The following ST14 variants were observed in gnomAD, a reference collection of about 807,000 sequenced individuals.
ST14 encodes ST14 transmembrane serine protease matriptase.
Under a neutral mutation model 96.5 loss-of-function variants are expected in ST14, and 40 were observed. The ratio of observed to expected loss-of-function variants is 0.41; its 90% CI spans 0.32 to 0.54. ST14 has a LOEUF of 0.54. ST14 is among the 20% of genes least tolerant of loss of function. The pLI is 0.17. For synonymous variants in ST14, 506 were observed against 492.1 expected (o/e 1.03, Z -0.37); for missense variants, 1,066 against 1,188.9 (o/e 0.90, Z 1.52).
At chr11:130,200,429 C>T (rs1199785370) in intron 16 of ST14, among the ~76,000 whole-genome samples, 2 of 152,172 alleles carry the variant, frequency 1.3e-5, no homozygotes, top group Non-Finnish European at 2.9e-5. Flanking sequence ...GAAGGCACAT[C>T]ACATGGCGAG....
At chr11:130,194,853 T>TGC in intron 9 of ST14, 116 bp downstream of exon 9, 1 of 56,734 alleles carries the variant, frequency 1.8e-5, no homozygotes, top group Non-Finnish European at 3.0e-5. Context: ...TATGTGTGCA[T>TGC]GTGTGTGTGT....
chr11:130,173,184 C>G (rs770943318), intron 1 of ST14, among the ~76,000 whole-genome samples: 8 of 152,186 alleles, frequency 5.3e-5, no homozygotes, highest in Non-Finnish European at 1.2e-4. Flanking sequence ...TGAGGCCTAC[C>G]TACTGTCTCT....
Position 130,196,561 on chromosome 11 carries a change from C to CT in ST14, c.1224-9_1224-8insT, listed in dbSNP as rs771839036. On this transcript the variant is annotated splice_polypyrimidine_tract_variant and intron_variant, in intron 10 of 18. Coordinates refer to ENST00000278742, the MANE Select transcript of ST14 (RefSeq NM_021978.4). The stretch of plus-strand genomic sequence containing the variant: ...TCCCTCCTCACCTTGTGCCCCGCCC[C>CT]CCCTCCAGATACTGCGGAGAGAGGT... The CT allele has an allele frequency of 5.0e-6, 8 of 1,609,694 alleles. No individual in the cohort carries two copies. In the Admixed American group the frequency reaches 1.3e-4, roughly 27 times the overall value.
intron 17 of ST14, 62 bp from the exon 18 acceptor site, chr11:130,209,380 G>A: frequency 6.5e-7 from 1 of 1,548,926 alleles, no homozygotes; most frequent in Non-Finnish European, 8.7e-7. Flanking sequence ...CGTGGGGAGC[G>A]TCTCGAATGA....
intron 1 of ST14, among the ~76,000 whole-genome samples, chr11:130,178,807 C>T (rs1025114434): frequency 3.9e-5 from 6 of 152,116 alleles, no homozygotes; most frequent in Admixed American, 3.9e-4. Context: ...AGGGCGGCGA[C>T]GGGTCAAAGG....
chr11:130,196,359 G>A lies in ST14; in HGVS notation c.1134G>A (p.Val378=), dbSNP rs1180940544. 6.2e-7 allele frequency: 1 copy of A among 1,600,472 alleles called. No homozygotes were observed. Among genetic ancestry groups the A allele is most frequent in the Non-Finnish European group, 8.5e-7 (1 of 1,173,954 alleles). The change falls in exon 10 of 19, where the codon GTG becomes GTA. Residue 378 remains valine (V), a synonymous_variant. Coordinates refer to ENST00000278742, the MANE Select transcript of ST14 (RefSeq NM_021978.4). ...CTCAGGTGCCCAACAACCAGCATGT[G>A]AAGGTGCGCTTCAAATTCTTCTACC... The part of the protein sequence containing the change: ...WNIEVPNNQH[V]KVRFKFFYLL...
At chr11:130,173,199 G>T (rs1285028489) in intron 1 of ST14, among the ~76,000 whole-genome samples, 2 of 152,130 alleles carry the variant, frequency 1.3e-5, no homozygotes, top group African/African-American at 4.8e-5. Flanking sequence ...GTCTCTCTTT[G>T]ATTTTAATTT....
At chr11:130,206,459 A>G (rs1591897671) in intron 16 of ST14, among the ~76,000 whole-genome samples, 1 of 151,090 alleles carries the variant, frequency 6.6e-6, no homozygotes. Flanking sequence ...TGATTCTCAC[A>G]TTGTTGATTA....
In ST14 at chr11:130,196,562, C is replaced by G. The variant is rs773009567; in HGVS notation, c.1224-8C>G. 9 of 1,611,282 alleles carry G rather than the reference C, an allele frequency of 5.6e-6. No homozygotes were observed. In the Admixed American group the frequency reaches 6.7e-5, roughly 12 times the overall value. ...CCCTCCTCACCTTGTGCCCCGCCCC[C>G]CCTCCAGATACTGCGGAGAGAGGTC... On this transcript the variant is annotated splice_region_variant and splice_polypyrimidine_tract_variant and intron_variant, in intron 10 of 18. Coordinates refer to ENST00000278742, the MANE Select transcript of ST14 (RefSeq NM_021978.4).
rs1410214671 is a variant in ST14 at position 130,181,513 on chromosome 11, AAG to A, written c.82-6595_82-6594del. Among the ~76,000 whole-genome samples, 1 of 152,214 alleles carries A rather than the reference AAG, an allele frequency of 6.6e-6. No homozygotes were observed. Among genetic ancestry groups the A allele is most frequent in the East Asian group, 1.9e-4 (1 of 5,186 alleles). ...CCTGCAAAGATGTTTACTTTTAAGAAAGAGAGACAGGAGAAGTGAAAGCAGGC... is the reference window on the plus strand; with the variant it reads ...CCTGCAAAGATGTTTACTTTTAAGAAAGAGACAGGAGAAGTGAAAGCAGGC... On this transcript the variant is annotated intron_variant, in intron 1 of 18. Transcript: ENST00000278742. This position sits in a 1 kb window ranked among gnomAD's most constrained non-coding sequence, Gnocchi z 4.1.
Position 130,209,784 on chromosome 11 carries a change from T to C in ST14, c.2529T>C (p.Pro843=). The C allele has an allele frequency of 6.2e-7, 1 of 1,614,076 alleles. No homozygotes were observed. The highest frequency in any genetic ancestry group is 8.5e-7 in the Non-Finnish European group (1 of 1,180,016). ...RNKPGVYTRL[P]LFRDWIKENT... Reference sequence around the variant, plus strand: ...AGCCAGGCGTGTACACAAGGCTCCCTCTGTTTCGGGACTGGATCAAAGAGA... The same window carrying C: ...AGCCAGGCGTGTACACAAGGCTCCCCCTGTTTCGGGACTGGATCAAAGAGA... Residue 843 remains proline (P), a synonymous_variant, in exon 19 of 19, where the codon CCT becomes CCC. Coordinates refer to ENST00000278742, the MANE Select transcript of ST14 (RefSeq NM_021978.4).
In ST14 at chr11:130,209,973, C is replaced by A; in HGVS notation, c.*150C>A. The A allele has an allele frequency of 1.0e-6, 1 of 979,196 alleles. No individual in the cohort carries two copies. Among genetic ancestry groups the A allele is most frequent in the Non-Finnish European group, 1.5e-6 (1 of 675,934 alleles). The allele number at this position is 979,196 out of a possible 1,614,324, so 60.7% of individuals were successfully genotyped here. On this transcript the variant is annotated 3_prime_UTR_variant, in exon 19 of 19. Coordinates refer to ENST00000278742, the MANE Select transcript of ST14 (RefSeq NM_021978.4). ...TCAATCTCCAGGGCTCCAAATCTGC[C>A]TAGAAAACCTCTCGCTTCCTCAGCC...
chr11:130,192,805 G>A (rs1953317699), intron 7 of ST14, among the ~76,000 whole-genome samples: 1 of 152,112 alleles, frequency 6.6e-6, no homozygotes. Flanking sequence ...ATATTATGAT[G>A]GTCTTTCCAA....
chr11:130,208,273 A>G (rs550979756), intron 16 of ST14, 137 bp from the exon 17 acceptor site: 3 of 1,242,770 alleles, frequency 2.4e-6, no homozygotes, highest in East Asian at 2.5e-5. Flanking sequence ...AAGACCAAGT[A>G]AGAGCCGGCC....
At chr11:130,202,923 G>A (rs1232762349) in intron 16 of ST14, among the ~76,000 whole-genome samples, 2 of 152,160 alleles carry the variant, frequency 1.3e-5, no homozygotes, top group East Asian at 1.9e-4. Flanking sequence ...GAGCACTAGC[G>A]ATTCCCAACT....
chr11:130,195,498 G>C (rs1434538464), intron 9 of ST14, among the ~76,000 whole-genome samples: 1 of 152,188 alleles, frequency 6.6e-6, no homozygotes, highest in Non-Finnish European at 1.5e-5. Flanking sequence ...TGAGACAAGA[G>C]AGTCGCCTGT....
At chr11:130,199,810 G>A (rs1953408386) in intron 15 of ST14, 141 bp from the exon 16 acceptor site, 3 of 986,608 alleles carry the variant, frequency 3.0e-6, no homozygotes, top group Non-Finnish European at 3.2e-6. Context: ...GGTCCCTCAC[G>A]CCCTGGCCAC....
intron 1 of ST14, among the ~76,000 whole-genome samples, chr11:130,166,097 C>A (rs1953038560): frequency 6.6e-6 from 1 of 152,214 alleles, no homozygotes; most frequent in African/African-American, 2.4e-5. Flanking sequence ...GGTTCCTTAG[C>A]TGGTGGACCA....
chr11:130,172,883 T>C (rs535633389), intron 1 of ST14, among the ~76,000 whole-genome samples: 1 of 152,274 alleles, frequency 6.6e-6, no homozygotes, highest in African/African-American at 2.4e-5. Flanking sequence ...GATGGAGTTA[T>C]TTATGTCAAG....
Sources: gnomAD v4.1 joint callset for allele counts (sites outside exome capture counted in the v4.1 genomes callset) on GRCh38, gnomAD v4.1.1 for gene constraint, Gnocchi (gnomAD v3.1) non-coding constraint, MANE v1.5 for transcripts, NCBI Gene and HGNC (gene_info 2026-07-23, HGNC 2026-07-21) for gene names.